PCDHGA5: variants seen among roughly 807,000 people sequenced by gnomAD.
PCDHGA5 encodes protocadherin gamma subfamily A, 5.
In PCDHGA5, 36 loss-of-function variants were observed where a neutral mutation model predicts 56.7. The observed-to-expected ratio is 0.64, with a 90% CI of 0.49 to 0.84. The LOEUF is 0.84. Among genes scored for constraint, PCDHGA5 ranks in the 40% least tolerant of loss-of-function variants. The probability of loss-of-function intolerance (pLI) is 0.00; values close to 1 mark genes in which losing one functional copy is unlikely to be tolerated. For missense variants in PCDHGA5, 1,305 were observed against 1,201.5 expected, an observed-to-expected ratio of 1.09 and a Z score of -1.27; for synonymous variants, 563 against 520.2, an observed-to-expected ratio of 1.08 and a Z score of -1.12.
chr5:141,471,747 T>A (rs2099263878), intron 1 of PCDHGA5, among the ~76,000 whole-genome samples: 1 of 152,200 alleles, frequency 6.6e-6, no homozygotes, highest in African/African-American at 2.4e-5. Context: ...ACATAACATA[T>A]TTGAGGGTGT....
At position 141,489,515 on chromosome 5, in the gene PCDHGA5, G is replaced by T; in HGVS notation, c.2422-5292G>T. ...CTGGCAGTGAATCAAAAGATTGACC[G>T]AGAAAGCCTATGTGGAGCCAGCACC... On this transcript the variant is annotated intron_variant, in intron 1 of 3. Coordinates refer to ENST00000518069, the MANE Select transcript of PCDHGA5 (RefSeq NM_018918.3). This position sits in a 1 kb window ranked among gnomAD's most constrained non-coding sequence, Gnocchi z 4.5. 4.3e-6 allele frequency: 7 copies of T among 1,614,104 alleles called. No individual in the cohort carries two copies. Among genetic ancestry groups the T allele is most frequent in the Non-Finnish European group, 5.9e-6 (7 of 1,180,034 alleles).
chr5:141,409,312 AAC>A (rs762706827), intron 1 of PCDHGA5: 39 of 1,613,880 alleles, frequency 2.4e-5, no homozygotes, highest in Admixed American at 1.7e-4. Flanking sequence ...CCCTCTTCAA[AAC>A]ACGGGATCTG....
At chr5:141,413,677 G>C (rs539552615) in intron 1 of PCDHGA5, 1 of 1,613,794 alleles carries the variant, frequency 6.2e-7, no homozygotes, top group South Asian at 1.1e-5. Context: ...GGATGTGGGC[G>C]TGAACTCCCT....
intron 1 of PCDHGA5, chr5:141,385,170 C>A (rs1561606866): frequency 4.3e-6 from 7 of 1,614,212 alleles, no homozygotes; most frequent in Non-Finnish European, 5.9e-6. Flanking sequence ...CCCATGAGGT[C>A]TCCCTCACCG....
intron 1 of PCDHGA5, among the ~76,000 whole-genome samples, chr5:141,455,650 C>T (rs1176718096): frequency 2.6e-5 from 4 of 151,994 alleles, no homozygotes; most frequent in African/African-American, 9.7e-5. Flanking sequence ...AGCCATGTGG[C>T]CAGGAACTTG....
intron 1 of PCDHGA5, chr5:141,415,523 T>G (rs1245542927): frequency 1.9e-6 from 3 of 1,614,196 alleles, no homozygotes; most frequent in Non-Finnish European, 2.5e-6. Context: ...GCGGACACGC[T>G]CATCAGCCAG....
intron 1 of PCDHGA5, 129 bp from the exon 2 acceptor site, chr5:141,494,678 G>T: frequency 1.3e-6 from 2 of 1,554,384 alleles, no homozygotes; most frequent in East Asian, 4.7e-5. Flanking sequence ...GTCCACCCCT[G>T]CCCCCTCTTA....
At chr5:141,488,594 C>T (rs1398982317) in intron 1 of PCDHGA5, among the ~76,000 whole-genome samples, 3 of 152,164 alleles carry the variant, frequency 2.0e-5, no homozygotes, top group African/African-American at 7.2e-5. Context: ...CAGGGCAAGA[C>T]TTTACAAGGT....
chr5:141,372,010 C>T (rs965282099), intron 1 of PCDHGA5: 7 of 1,613,262 alleles, frequency 4.3e-6, no homozygotes, highest in Non-Finnish European at 5.1e-6. Context: ...GACCAGGGCT[C>T]GCCTACGCTC....
At position 141,381,826 on chromosome 5, in the gene PCDHGA5, CTTT is replaced by C. The variant is rs770630741; in HGVS notation, c.2421+15095_2421+15097del. Among the ~76,000 whole-genome samples the C allele has an allele frequency of 8.4e-3, 625 of 74,256 alleles. 6 individuals are homozygous for C. Among genetic ancestry groups the C allele is most frequent in the African/African-American group, 0.035 (569 of 16,164 alleles). 48.7% of individuals were successfully genotyped at this position (74,256 alleles called of 152,430 possible). On this transcript the variant is annotated intron_variant, in intron 1 of 3. Transcript: ENST00000518069. ...TTTCTTTCTTTCTTTCTTTCTTCTT[CTTT>C]TTTTTTTTTTTTTTTTTTTGGCAGA...
chr5:141,393,137 C>T (rs777446564), intron 1 of PCDHGA5: 14 of 1,613,286 alleles, frequency 8.7e-6, no homozygotes, highest in South Asian at 2.2e-5. Context: ...ATATTAACAC[C>T]CTGGTTGAGG....
chr5:141,422,919 G>C (rs1445179310), intron 1 of PCDHGA5: 9 of 1,614,120 alleles, frequency 5.6e-6, no homozygotes, highest in Non-Finnish European at 6.8e-6. Context: ...CCGAGATCCT[G>C]TACCCTGCCC....
intron 1 of PCDHGA5, chr5:141,371,116 T>G (rs1486795854): frequency 1.2e-6 from 2 of 1,613,914 alleles, no homozygotes; most frequent in Non-Finnish European, 8.5e-7. Flanking sequence ...AACCCCCCAG[T>G]ATTTACTCAG....
intron 3 of PCDHGA5, among the ~76,000 whole-genome samples, chr5:141,509,620 C>G (rs1321910971): frequency 6.6e-6 from 1 of 152,188 alleles, no homozygotes; most frequent in African/African-American, 2.4e-5. Context: ...TAAACAAGTT[C>G]CTGGGTGATG....
At position 141,432,202 on chromosome 5, in the gene PCDHGA5, T is replaced by C; in HGVS notation, c.2422-62605T>C. 1 of 1,614,120 alleles carries C rather than the reference T, an allele frequency of 6.2e-7. No homozygotes were observed. The highest frequency in any genetic ancestry group is 1.1e-5 in the South Asian group (1 of 91,072). ...CTGTGACCGCCCACGACCCCGACTGTGAAGAGAACGCCCAGATCACTTATT... is the reference window on the plus strand; with the variant it reads ...CTGTGACCGCCCACGACCCCGACTGCGAAGAGAACGCCCAGATCACTTATT... On this transcript the variant is annotated intron_variant, in intron 1 of 3. Coordinates refer to ENST00000518069, the MANE Select transcript of PCDHGA5 (RefSeq NM_018918.3). The surrounding 1 kb of genome is among the most constrained non-coding windows in gnomAD (Gnocchi z 6.0).
chr5:141,366,281 C>A lies in PCDHGA5; in HGVS notation c.1951C>A (p.Gln651Lys). 6.2e-7 allele frequency: 1 copy of A among 1,613,726 alleles called. No homozygotes were observed. Among genetic ancestry groups the A allele is most frequent in the Non-Finnish European group, 8.5e-7 (1 of 1,180,012 alleles). Residue 651 changes from glutamine to lysine, a missense_variant, in exon 1 of 4, where the codon CAG (glutamine) becomes AAG (lysine). Gln to Lys is a moderately conservative substitution (Grantham distance 53). Transcript: ENST00000518069. ...CGTGGTGGCCGTCGAAGACCATGGCCAGCCCCCTCTGTCAGCCACCTTCAC... is the reference window on the plus strand; with the variant it reads ...CGTGGTGGCCGTCGAAGACCATGGCAAGCCCCCTCTGTCAGCCACCTTCAC... ...SLVVAVEDHG[Q>K]PPLSATFTVT...
At position 141,485,009 on chromosome 5, in the gene PCDHGA5, C is replaced by T. The variant is rs531346426; in HGVS notation, c.2422-9798C>T. The T allele has an allele frequency of 6.4e-5, 40 of 628,334 alleles. No homozygotes were observed. Among genetic ancestry groups the T allele is most frequent in the Admixed American group, 5.3e-4 (18 of 33,986 alleles). The allele number at this position is 628,334 out of a possible 1,614,324, so 38.9% of individuals were successfully genotyped here. On this transcript the variant is annotated intron_variant, in intron 1 of 3. Transcript: ENST00000518069. The surrounding 1 kb of genome is among the most constrained non-coding windows in gnomAD (Gnocchi z 5.7). Reference sequence around the variant, plus strand: ...GGTGGTGAAAGGCAGACAAATCTACCCCGCCACCAGCAAAAACGGCGCGTA... The same window carrying T: ...GGTGGTGAAAGGCAGACAAATCTACTCCGCCACCAGCAAAAACGGCGCGTA...
intron 1 of PCDHGA5, among the ~76,000 whole-genome samples, chr5:141,460,454 T>C (rs1010186960): frequency 6.6e-6 from 1 of 152,194 alleles, no homozygotes; most frequent in Admixed American, 6.6e-5. Context: ...TGAAGATTCA[T>C]ATTTTTTTCC....
At position 141,499,689 on chromosome 5, in the gene PCDHGA5, C is replaced by CTT. The variant is rs545067566; in HGVS notation, c.2480+4845_2480+4846dup. 4.8e-3 allele frequency among the ~76,000 whole-genome samples: 577 copies of CTT among 119,808 alleles called. 2 individuals carry two copies. Among genetic ancestry groups the CTT allele is most frequent in the Non-Finnish European group, 6.7e-3 (386 of 57,912 alleles). 78.6% of individuals were successfully genotyped at this position (119,808 alleles called of 152,430 possible). A position where few individuals can be genotyped will look rare whatever the true frequency, so the allele number is the denominator to read the frequency against. On this transcript the variant is annotated intron_variant, in intron 2 of 3. Coordinates refer to ENST00000518069, the MANE Select transcript of PCDHGA5 (RefSeq NM_018918.3). ...GGTCTCCACCATCTTTAACAGATGA[C>CTT]TTTTTTTTTTTTTTTTTTTTTTGGA...
Sources: gnomAD v4.1 joint callset for allele counts (sites outside exome capture counted in the v4.1 genomes callset) on GRCh38, gnomAD v4.1.1 for gene constraint, Gnocchi (gnomAD v3.1) non-coding constraint, MANE v1.5 for transcripts, NCBI Gene and HGNC (gene_info 2026-07-23, HGNC 2026-07-21) for gene names.